Variants in DENND1B observed in about 807,000 individuals in gnomAD.
The protein encoded by DENND1B is DENN domain containing 1B, also known as DENN domain-containing protein 1B.
DENND1B carries 59 observed loss-of-function variants against 90.1 expected under a neutral mutation model. The ratio of observed to expected loss-of-function variants is 0.65; its 90% CI spans 0.53 to 0.81. DENND1B has a LOEUF of 0.81. Ranked by LOEUF, DENND1B falls within the 40% of genes least tolerant of loss-of-function variation. The pLI, the probability that DENND1B is intolerant of heterozygous loss-of-function variation, is 0.00. For synonymous variants in DENND1B, 337 were observed against 324.6 expected (o/e 1.04, Z -0.41); for missense variants, 862 against 912.6 (o/e 0.94, Z 0.71).
rs545198510 is a variant in DENND1B at position 197,719,347 on chromosome 1, C to T, written c.83-4273G>A. On this transcript the variant is annotated intron_variant, in intron 2 of 22. Coordinates refer to ENST00000620048, the MANE Select transcript of DENND1B (RefSeq NM_001195215.2). ...CCAGCAAAGAAGGAATACAAGATCC[C>T]TGAGAAGACAGGAAGGTTGGAATTC... Among the ~76,000 whole-genome samples the T allele has an allele frequency of 8.9e-4, 136 of 152,026 alleles. 1 individual carries two copies. Among genetic ancestry groups the T allele is most frequent in the South Asian group, 2.1e-3 (10 of 4,818 alleles).
chr1:197,754,803 T>C (rs1204866356), intron 2 of DENND1B, among the ~76,000 whole-genome samples: 1 of 151,610 alleles, frequency 6.6e-6, no homozygotes, highest in Non-Finnish European at 1.5e-5. Flanking sequence ...GGAAAATGCA[T>C]ATTCATGCAA....
intron 5 of DENND1B, among the ~76,000 whole-genome samples, chr1:197,658,893 CTT>C (rs1443133173): frequency 6.6e-6 from 1 of 150,708 alleles, no homozygotes; most frequent in Non-Finnish European, 1.5e-5. Context: ...TTTTAAATGA[CTT>C]TTATATATCA....
intron 3 of DENND1B, among the ~76,000 whole-genome samples, chr1:197,707,284 C>A (rs977532228): frequency 6.6e-6 from 1 of 151,810 alleles, no homozygotes; most frequent in African/African-American, 2.4e-5. Context: ...GGGCTGATAG[C>A]CAGAGGTTAG....
intron 3 of DENND1B, among the ~76,000 whole-genome samples, chr1:197,697,700 G>A (rs1658582380): frequency 6.6e-6 from 1 of 151,680 alleles, no homozygotes; most frequent in East Asian, 1.9e-4. Flanking sequence ...ATACATATAG[G>A]ATCAAAATAA....
At chr1:197,734,205 T>A in intron 2 of DENND1B, 1 of 877,934 alleles carries the variant, frequency 1.1e-6, no homozygotes, top group African/African-American at 1.8e-5. Flanking sequence ...AGATAACTGA[T>A]TAAAACTTAG....
chr1:197,694,460 T>C (rs181128750), intron 3 of DENND1B, among the ~76,000 whole-genome samples: 2 of 151,562 alleles, frequency 1.3e-5, no homozygotes, highest in East Asian at 3.9e-4. Flanking sequence ...ATGCAAAACT[T>C]TGAACTAGAA....
chr1:197,714,633 T>C (rs1416905662), intron 3 of DENND1B, among the ~76,000 whole-genome samples: 2 of 152,124 alleles, frequency 1.3e-5, no homozygotes, highest in Non-Finnish European at 2.9e-5. Flanking sequence ...AGAGAACTGA[T>C]CACTTATTTA....
intron 15 of DENND1B, among the ~76,000 whole-genome samples, chr1:197,557,216 C>T (rs1352547746): frequency 6.6e-6 from 1 of 151,734 alleles, no homozygotes; most frequent in Non-Finnish European, 1.5e-5. Context: ...ATTTGATGGA[C>T]TAGTTATAAT....
At chr1:197,607,951 T>C (rs1373481907) in intron 12 of DENND1B, among the ~76,000 whole-genome samples, 3 of 150,722 alleles carry the variant, frequency 2.0e-5, no homozygotes, top group African/African-American at 7.3e-5. Flanking sequence ...ATTTTATTAG[T>C]CTTATTTAAT....
At chr1:197,592,380 C>T (rs35939830) in intron 14 of DENND1B, among the ~76,000 whole-genome samples, 28,625 of 151,906 alleles carry the variant, frequency 0.19, 3,107 homozygotes, top group Middle Eastern at 0.37. Context: ...CCAATGGGTG[C>T]TCAATGGTCA....
Position 197,548,355 on chromosome 1 carries a change from T to A in DENND1B, c.1241-1582A>T, listed in dbSNP as rs1571833705. Among the ~76,000 whole-genome samples, 5 of 152,262 alleles carry A rather than the reference T, an allele frequency of 3.3e-5. No homozygotes were observed. In the South Asian group the frequency reaches 1.0e-3, roughly 32 times the overall value. Reference sequence around the variant, plus strand: ...TTTAGAGCTCAGGCCTACTCTATCTTTGTGAAGGATGTGATTTGGGATGAG... The same window carrying A: ...TTTAGAGCTCAGGCCTACTCTATCTATGTGAAGGATGTGATTTGGGATGAG... On this transcript the variant is annotated intron_variant, in intron 16 of 22. Coordinates refer to ENST00000620048, the MANE Select transcript of DENND1B (RefSeq NM_001195215.2).
chr1:197,743,736 T>G (rs922536193), intron 2 of DENND1B, among the ~76,000 whole-genome samples: 1 of 152,188 alleles, frequency 6.6e-6, no homozygotes, highest in Non-Finnish European at 1.5e-5. Context: ...AAGTCCTAGC[T>G]GCTACGGAGG....
At chr1:197,620,057 G>A (rs1179562660) in intron 10 of DENND1B, among the ~76,000 whole-genome samples, 4 of 151,248 alleles carry the variant, frequency 2.6e-5, no homozygotes, top group Admixed American at 6.6e-5. Context: ...GGTTTAAGTA[G>A]AATTATAAGG....
At position 197,511,807 on chromosome 1, in the gene DENND1B, C is replaced by CTG; in HGVS notation, c.1734_1735dup (p.Ser579ThrfsTer79). 2 of 1,611,118 alleles carry CTG rather than the reference C, an allele frequency of 1.2e-6. No homozygotes were observed. Among genetic ancestry groups the CTG allele is most frequent in the Non-Finnish European group, 1.7e-6 (2 of 1,178,144 alleles). On this transcript the variant is annotated frameshift_variant, in exon 22 of 23. Transcript: ENST00000620048. LOFTEE classifies it high-confidence loss of function. ...AGCTGCCAGCTTCCCCTGATCTGAG[C>CTG]TGTGTGTGCTCAATGTATCAAGAAT...
intron 15 of DENND1B, 152 bp from the exon 16 acceptor site, chr1:197,553,264 C>G (rs1218267502): frequency 1.9e-6 from 1 of 532,282 alleles, no homozygotes; most frequent in Non-Finnish European, 3.0e-6. Flanking sequence ...TGTATATATA[C>G]ACACACACAA....
intron 5 of DENND1B, among the ~76,000 whole-genome samples, chr1:197,664,135 G>A (rs1315175970): frequency 6.6e-6 from 1 of 151,652 alleles, no homozygotes; most frequent in African/African-American, 2.4e-5. Flanking sequence ...ATTTTCAAAC[G>A]ATACATGCTC....
intron 15 of DENND1B, among the ~76,000 whole-genome samples, chr1:197,556,915 A>G (rs1318921806): frequency 2.0e-5 from 3 of 151,962 alleles, no homozygotes; most frequent in African/African-American, 4.8e-5. Flanking sequence ...TGCATCTTCA[A>G]TACCTGGCAA....
intron 10 of DENND1B, among the ~76,000 whole-genome samples, chr1:197,628,346 G>C (rs1262842149): frequency 1.3e-5 from 2 of 152,066 alleles, no homozygotes; most frequent in African/African-American, 4.8e-5. Context: ...CAACGGAACA[G>C]AACAGAGCCC....
intron 3 of DENND1B, among the ~76,000 whole-genome samples, chr1:197,706,172 G>A (rs914839067): frequency 8.5e-5 from 13 of 152,156 alleles, no homozygotes; most frequent in African/African-American, 2.9e-4. Context: ...AGCTAAGTTT[G>A]TGTATTCTGA....
Sources: gnomAD v4.1 joint callset for allele counts (sites outside exome capture counted in the v4.1 genomes callset) on GRCh38, gnomAD v4.1.1 for gene constraint, MANE v1.5 for transcripts, NCBI Gene and HGNC (gene_info 2026-07-23, HGNC 2026-07-21) for gene names.